The following COL1A1 variants were observed in gnomAD, a reference collection of about 807,000 sequenced individuals.
COL1A1 encodes the protein collagen type I alpha 1 chain.
COL1A1 carries 21 observed loss-of-function variants against 195.7 expected under a neutral mutation model. That is an observed-to-expected ratio of 0.11 (90% CI 0.08 to 0.15). COL1A1 has a LOEUF of 0.15. Ranked by LOEUF, COL1A1 falls within the 10% of genes least tolerant of loss-of-function variation. The pLI is 1.00. For missense variants in COL1A1, 1,365 were observed against 2,051.0 expected (o/e 0.67, Z 6.46); for synonymous variants, 749 against 747.3 (o/e 1.00, Z -0.04).
rs1368329581 is a variant in COL1A1, at chr17:50,195,947, G to A, written c.1032C>T (p.Gly344=). 3 of 1,593,100 alleles carry A rather than the reference G, an allele frequency of 1.9e-6. No individual in the cohort carries two copies. Among genetic ancestry groups the A allele is most frequent in the Non-Finnish European group, 2.6e-6 (3 of 1,169,340 alleles). ...PGPTGPAGPP[G]FPGAVGAKGE... ...CCTTAGCACCAACAGCACCAGGGAA[G>A]CCAGGAGGACCAGCGGGGCCGGTGG... Residue 344 remains glycine, a synonymous_variant, in exon 16 of 51, where the codon GGC becomes GGT. Transcript: ENST00000225964. The surrounding 1 kb of genome is among the most constrained non-coding windows in gnomAD (Gnocchi z 4.3).
Position 50,194,168 on chromosome 17 carries a change from G to T in COL1A1, c.1630C>A (p.Pro544Thr). 1 of 1,613,820 alleles carries T rather than the reference G, an allele frequency of 6.2e-7. No individual in the cohort carries two copies. Among genetic ancestry groups the T allele is most frequent in the African/African-American group, 1.3e-5 (1 of 75,000 alleles). The change falls in exon 24 of 51, where the codon CCT (proline) becomes ACT (threonine). Residue 544 changes from proline (P) to threonine (T), a missense_variant. Coordinates refer to ENST00000225964, the MANE Select transcript of COL1A1 (RefSeq NM_000088.4). This position sits in a 1 kb window ranked among gnomAD's most constrained non-coding sequence, Gnocchi z 6.8. ...TTGCCATCAGGACCAGGGCTGCCAG[G>T]GCTTCCAGTCAGACCCTAGGGAGGC... ...LPGAKGLTGS[P>T]GSPGPDGKTG...
rs1358126443 is a variant in COL1A1 at position 50,184,144 on chromosome 17, TA to T, written c.*1357del. On this transcript the variant is annotated 3_prime_UTR_variant, in exon 51 of 51. Transcript: ENST00000225964. ...GCTTTATTCCAGCAATCAAAATAATTAAAAACATCTCAAATTATTATACACA... is the reference window on the plus strand; with the variant it reads ...GCTTTATTCCAGCAATCAAAATAATTAAAACATCTCAAATTATTATACACA... 1 of 210,172 alleles carries T rather than the reference TA, an allele frequency of 4.8e-6. No homozygotes were observed. The highest frequency in any genetic ancestry group is 9.7e-6 in the Non-Finnish European group (1 of 103,388). The allele number at this position is 210,172 out of a possible 1,614,324, so 13.0% of individuals were successfully genotyped here. A position where few individuals can be genotyped will look rare whatever the true frequency, so the allele number is the denominator to read the frequency against.
At position 50,196,661 on chromosome 17, in the gene COL1A1, C is replaced by A. The variant is rs72645331; in HGVS notation, c.814G>T (p.Gly272Cys). Residue 272 changes from glycine to cysteine, a missense_variant, in exon 12 of 51, where the codon GGT becomes TGT. Coordinates refer to ENST00000225964, the MANE Select transcript of COL1A1 (RefSeq NM_000088.4). ...PGMKGHRGFS[G>C]LDGAKGDAGP... The stretch of plus-strand genomic sequence containing the variant: ...GCATCTCCCTTGGCACCATCCAAAC[C>A]ACTGAAACCCTAAAGCAGGAAAGAG... 1 of 1,614,194 alleles carries A rather than the reference C, an allele frequency of 6.2e-7. No individual in the cohort carries two copies. The highest frequency in any genetic ancestry group is 8.5e-7 in the Non-Finnish European group (1 of 1,180,034).
rs1792053566 is a variant in COL1A1 at position 50,199,921 on chromosome 17, C to G, written c.130G>C (p.Gly44Arg). The G allele has an allele frequency of 1.2e-6, 2 of 1,614,194 alleles. No homozygotes were observed. The highest frequency in any genetic ancestry group is 1.7e-6 in the Non-Finnish European group (2 of 1,180,040). The change falls in exon 2 of 51, where the codon GGC becomes CGC. Residue 44 changes from glycine to arginine, a missense_variant. This residue lies in a region of COL1A1 where 194 missense variants were observed against 221.7 expected (regional missense o/e 0.88). Coordinates refer to ENST00000225964, the MANE Select transcript of COL1A1 (RefSeq NM_000088.4). ...ACGTCTCGGTCATGGTACCTGAGGC[C>G]GTTCTGTACGCAGGTGATTGGTGGG... ...DIPPITCVQNGLRYHDRDVWK... is the reference protein window; with the variant it reads ...DIPPITCVQNRLRYHDRDVWK...
In COL1A1 at chr17:50,194,696, G is replaced by T; in HGVS notation, c.1461+25C>A. 6.4e-7 allele frequency: 1 copy of T among 1,560,092 alleles called. No homozygotes were observed. The highest frequency in any genetic ancestry group is 8.7e-7 in the Non-Finnish European group (1 of 1,151,460). ...CCAGCCAGGCAATGAGGGTGGAGCG[G>T]GAGGGGGCGGGCAGGGACACTTACA... On this transcript the variant is annotated intron_variant, in intron 21 of 50. Coordinates refer to ENST00000225964, the MANE Select transcript of COL1A1 (RefSeq NM_000088.4). The surrounding 1 kb of genome is among the most constrained non-coding windows in gnomAD (Gnocchi z 6.8).
At chr17:50,201,152 T>C (rs1418566163) in intron 1 of COL1A1, among the ~76,000 whole-genome samples, 1 of 152,202 alleles carries the variant, frequency 6.6e-6, no homozygotes, top group Non-Finnish European at 1.5e-5. Context: ...ACTTCCCCGG[T>C]TGCGCGCTCG....
At chr17:50,198,669 T>C (rs1907810272) in intron 5 of COL1A1, 165 bp from the exon 6 acceptor site, 1 of 670,282 alleles carries the variant, frequency 1.5e-6, no homozygotes, top group Non-Finnish European at 2.7e-6. Flanking sequence ...GCATCTAATC[T>C]AATGAGACAA....
intron 1 of COL1A1, 65 bp downstream of exon 1, chr17:50,201,346 C>G: frequency 6.9e-7 from 1 of 1,457,728 alleles, no homozygotes; most frequent in South Asian, 1.2e-5. Flanking sequence ...TAAGCCGCGG[C>G]CCCCGGGACC....
At chr17:50,200,235 A>T in intron 1 of COL1A1, 11 of 428,554 alleles carry the variant, frequency 2.6e-5, no homozygotes, top group Non-Finnish European at 4.4e-5. Flanking sequence ...GCTGAAGCCA[A>T]GTGAAATAAA....
Position 50,196,605 on chromosome 17 carries a change from A to G in COL1A1, c.858+12T>C. On this transcript the variant is annotated intron_variant, in intron 12 of 50. Transcript: ENST00000225964. ...GGATGTGGAGGACCATGATGTTCAG[A>G]CAGCCTCTTACCTTAGGACCAGCAG... The G allele has an allele frequency of 6.2e-7, 1 of 1,614,140 alleles. No homozygotes were observed.
At chr17:50,191,594 G>A in intron 31 of COL1A1, 104 bp from the exon 32 acceptor site, 3 of 1,217,234 alleles carry the variant, frequency 2.5e-6, no homozygotes, top group Non-Finnish European at 3.6e-6. Context: ...CAAGGCCAAC[G>A]ACAAGCCTTG....
In COL1A1 at chr17:50,194,151, A is replaced by T; in HGVS notation, c.1647T>A (p.Pro549=). Residue 549 remains proline (P), a synonymous_variant, in exon 24 of 51, where the codon CCT becomes CCA. Coordinates refer to ENST00000225964, the MANE Select transcript of COL1A1 (RefSeq NM_000088.4). This position sits in a 1 kb window ranked among gnomAD's most constrained non-coding sequence, Gnocchi z 6.8. ...TTACAGGGGGGCCAGTTTTGCCATC[A>T]GGACCAGGGCTGCCAGGGCTTCCAG... ...GLTGSPGSPG[P]DGKTGPPGPA... 2.5e-6 allele frequency: 4 copies of T among 1,613,832 alleles called. No individual in the cohort carries two copies. Among genetic ancestry groups the T allele is most frequent in the Non-Finnish European group, 2.5e-6 (3 of 1,179,964 alleles).
rs1400089461 is a variant in COL1A1, at chr17:50,194,215, G to A, written c.1615-32C>T. 6 of 1,610,784 alleles carry A rather than the reference G, an allele frequency of 3.7e-6. 1 individual carries two copies. The highest frequency in any genetic ancestry group is 2.2e-5 in the South Asian group (2 of 91,002). ...AGGCAGAGAGGTATGAGTGGGACTT[G>A]GGGAGAAGCATGATGGAGGTGGGGG... is the stretch of plus-strand genomic sequence containing the variant. On this transcript the variant is annotated intron_variant, in intron 23 of 50. Transcript: ENST00000225964. The surrounding 1 kb of genome is among the most constrained non-coding windows in gnomAD (Gnocchi z 6.8).
At chr17:50,187,448 G>A in intron 46 of COL1A1, 36 bp downstream of exon 46, 2 of 1,610,242 alleles carry the variant, frequency 1.2e-6, no homozygotes, top group East Asian at 2.2e-5. Flanking sequence ...GCCTGGGCTT[G>A]GGGCTCAGGA....
rs1048377927 is a variant in COL1A1, at chr17:50,186,291, C to G, written c.4005+26G>C. The G allele has an allele frequency of 6.2e-7, 1 of 1,613,806 alleles. No homozygotes were observed. The highest frequency in any genetic ancestry group is 1.1e-5 in the South Asian group (1 of 91,092). On this transcript the variant is annotated intron_variant, in intron 49 of 50. Coordinates refer to ENST00000225964, the MANE Select transcript of COL1A1 (RefSeq NM_000088.4). The surrounding 1 kb of genome is among the most constrained non-coding windows in gnomAD (Gnocchi z 5.3). ...CACTGGGCTAGCCCATCTCCTAACA[C>G]TGGCTCTGAGGTCCAGCTCACGCAC...
At position 50,201,484 on chromosome 17, in the gene COL1A1, C is replaced by A; in HGVS notation, c.30G>T (p.Leu10=). 1.2e-6 allele frequency: 2 copies of A among 1,612,532 alleles called. No individual in the cohort carries two copies. The highest frequency in any genetic ancestry group is 1.7e-6 in the Non-Finnish European group (2 of 1,180,018). The stretch of plus-strand genomic sequence containing the variant: ...GGAGGGCGGTGGCCGCTAAGAGGAG[C>A]AGGAGCCGGAGGTCCACAAAGCTGA... MFSFVDLRL[L]LLLAATALLT... Residue 10 remains leucine, a synonymous_variant, in exon 1 of 51, where the codon CTG becomes CTT. Coordinates refer to ENST00000225964, the MANE Select transcript of COL1A1 (RefSeq NM_000088.4).
In COL1A1 at chr17:50,186,826, G is replaced by A; in HGVS notation, c.3628C>T (p.His1210Tyr). ...GCCCGGTAGTAGCGGCCACCATCGT[G>A]AGCCTTCTCTTGAGGTGGCTGGGGC... is the stretch of plus-strand genomic sequence containing the variant. Reference protein sequence around the residue: ...FLPQPPQEKAHDGGRYYRADD... With the variant: ...FLPQPPQEKAYDGGRYYRADD... The change falls in exon 48 of 51, where the codon CAC becomes TAC. Residue 1210 changes from histidine (H) to tyrosine (Y), a missense_variant. His to Tyr is a moderately conservative substitution (Grantham distance 83, BLOSUM62 2). Around this residue, in one of 5 missense-constraint regions of COL1A1, gnomAD observed 671 missense variants for 1,099.9 expected, o/e 0.61. Transcript: ENST00000225964. The surrounding 1 kb of genome is among the most constrained non-coding windows in gnomAD (Gnocchi z 5.3). 1 of 1,614,154 alleles carries A rather than the reference G, an allele frequency of 6.2e-7. No individual in the cohort carries two copies. Among genetic ancestry groups the A allele is most frequent in the Non-Finnish European group, 8.5e-7 (1 of 1,180,036 alleles).
Position 50,189,454 on chromosome 17 carries a change from G to T in COL1A1, c.2752C>A (p.Arg918Ser), listed in dbSNP as rs752929501. ...GPRGETGPAG[R>S]PGEVGPPGPP... The stretch of plus-strand genomic sequence containing the variant: ...CCAGGGGGACCAACTTCACCAGGAC[G>T]TCCAGCAGGGCCAGTCTCACCACGG... Residue 918 changes from arginine to serine, a missense_variant, in exon 39 of 51, where the codon CGT becomes AGT. Arg to Ser is a moderately radical substitution (Grantham distance 110). Coordinates refer to ENST00000225964, the MANE Select transcript of COL1A1 (RefSeq NM_000088.4). The surrounding 1 kb of genome is among the most constrained non-coding windows in gnomAD (Gnocchi z 5.5). 1 of 1,612,906 alleles carries T rather than the reference G, an allele frequency of 6.2e-7. No homozygotes were observed. The highest frequency in any genetic ancestry group is 8.5e-7 in the Non-Finnish European group (1 of 1,179,690).
chr17:50,188,191 G>C lies in COL1A1; in HGVS notation c.3208-42C>G, dbSNP rs909366643. The C allele has an allele frequency of 5.9e-6, 9 of 1,514,466 alleles. No individual in the cohort carries two copies. The highest frequency in any genetic ancestry group is 8.0e-6 in the Non-Finnish European group (9 of 1,122,656). The allele number at this position is 1,514,466 out of a possible 1,614,324, so 93.8% of individuals were successfully genotyped here. The stretch of plus-strand genomic sequence containing the variant: ...AAGCATGAGCTCTTGGCCAGGGAAG[G>C]CTGAGGCTGGGGCTGCAGGATGAGG... On this transcript the variant is annotated intron_variant, in intron 43 of 50. Transcript: ENST00000225964. The surrounding 1 kb of genome is among the most constrained non-coding windows in gnomAD (Gnocchi z 5.6).
Sources: gnomAD v4.1 joint callset for allele counts (sites outside exome capture counted in the v4.1 genomes callset) on GRCh38, gnomAD v4.1.1 for gene constraint, gnomAD v4.1.1 regional missense constraint, Gnocchi (gnomAD v3.1) non-coding constraint, MANE v1.5 for transcripts, NCBI Gene and HGNC (gene_info 2026-07-23, HGNC 2026-07-21) for gene names.